The following CD96 variants were observed in gnomAD, a reference collection of about 807,000 sequenced individuals.
CD96 encodes the protein T-cell surface protein tactile.
CD96 carries 70 observed loss-of-function variants against 71.3 expected under a neutral mutation model. The ratio of observed to expected loss-of-function variants is 0.98; its 90% confidence interval spans 0.81 to 1.20. CD96 has a LOEUF of 1.20. CD96 is among the 50% of genes most tolerant of loss of function. CD96 has a pLI of 0.00. For synonymous variants in CD96, 248 were observed against 233.0 expected (o/e 1.06, Z -0.59); for missense variants, 742 against 677.5 (o/e 1.10, Z -1.06).
intron 7 of CD96, 94 bp from the exon 8 acceptor site, chr3:111,606,606 T>A (rs1255428181): frequency 1.3e-6 from 1 of 748,784 alleles, no homozygotes; most frequent in Non-Finnish European, 2.4e-6. Context: ...ACATGATGAA[T>A]AAATAAAGGA....
intron 5 of CD96, chr3:111,593,224 A>T (rs868109706): frequency 9.6e-5 from 21 of 219,666 alleles, no homozygotes; most frequent in African/African-American, 4.5e-4. Flanking sequence ...CTAGGCAAAA[A>T]TCTGATTATT....
chr3:111,566,528 C>T (rs1414431184), intron 2 of CD96, among the ~76,000 whole-genome samples: 1 of 152,000 alleles, frequency 6.6e-6, no homozygotes, highest in Non-Finnish European at 1.5e-5. Context: ...GGATTGCAGA[C>T]TATGAGAATA....
chr3:111,631,336 A>G (rs546641312), intron 10 of CD96, among the ~76,000 whole-genome samples: 1 of 152,238 alleles, frequency 6.6e-6, no homozygotes, highest in East Asian at 1.9e-4. Flanking sequence ...ATTGCTAGCA[A>G]TCCTATACAC....
downstream of CD96, among the ~76,000 whole-genome samples, chr3:111,654,355 T>C (rs1219357916): frequency 6.6e-6 from 1 of 152,208 alleles, no homozygotes; most frequent in Non-Finnish European, 1.5e-5. Flanking sequence ...CAGGAAGGCA[T>C]GACCAGAAAG....
chr3:111,658,784 A>G (rs1012373970), intron 14 of CD96, among the ~76,000 whole-genome samples: 2 of 152,212 alleles, frequency 1.3e-5, no homozygotes, highest in Non-Finnish European at 2.9e-5. Context: ...GTAGCATCAA[A>G]TAAATACAAA....
At chr3:111,640,782 C>T (rs1260467805) in intron 12 of CD96, among the ~76,000 whole-genome samples, 1 of 152,212 alleles carries the variant, frequency 6.6e-6, no homozygotes, top group Non-Finnish European at 1.5e-5. Flanking sequence ...AGATTAACAA[C>T]AGATTTCTCA....
intron 10 of CD96, among the ~76,000 whole-genome samples, chr3:111,627,978 A>G (rs1938859625): frequency 6.6e-6 from 1 of 152,226 alleles, no homozygotes; most frequent in Non-Finnish European, 1.5e-5. Context: ...CAACAAAACA[A>G]AAAAACCATC....
chr3:111,595,784 A>T (rs1180018436), intron 5 of CD96, among the ~76,000 whole-genome samples: 1 of 151,928 alleles, frequency 6.6e-6, no homozygotes, highest in Non-Finnish European at 1.5e-5. Flanking sequence ...TGAGAAGGAA[A>T]ACCTACCAAG....
intron 8 of CD96, among the ~76,000 whole-genome samples, chr3:111,621,872 A>G (rs765605922): frequency 6.6e-6 from 1 of 152,208 alleles, no homozygotes; most frequent in Non-Finnish European, 1.5e-5. Context: ...CTAGGAATGT[A>G]GTTCCAATAC....
Position 111,638,176 on chromosome 3 carries a change from AT to A in CD96, c.1477+11del, listed in dbSNP as rs1162240214. 14 of 1,509,180 alleles carry A rather than the reference AT, an allele frequency of 9.3e-6. No individual in the cohort carries two copies. Among genetic ancestry groups the A allele is most frequent in the Non-Finnish European group, 1.3e-5 (14 of 1,084,378 alleles). 93.5% of individuals were successfully genotyped at this position (1,509,180 alleles called of 1,614,324 possible). A position where few individuals can be genotyped will look rare whatever the true frequency, so the allele number is the denominator to read the frequency against. On this transcript the variant is annotated intron_variant, in intron 12 of 13. Transcript: ENST00000352690. ...ATCACGTCCATATCACTGGTAAGTC[AT>A]TTATCCTATTTTGGGGGATTTTATG...
intron 12 of CD96, among the ~76,000 whole-genome samples, chr3:111,642,322 GAC>G (rs1363557636): frequency 6.6e-6 from 1 of 152,098 alleles, no homozygotes; most frequent in Non-Finnish European, 1.5e-5. Context: ...TATTACAACT[GAC>G]ACCACAGAAA....
intron 5 of CD96, among the ~76,000 whole-genome samples, chr3:111,588,950 T>C (rs984763429): frequency 2.0e-5 from 3 of 149,158 alleles, no homozygotes; most frequent in Non-Finnish European, 2.9e-5. Flanking sequence ...GTTTCTTTTT[T>C]TTTCTTTTTT....
At chr3:111,604,173 G>A (rs562051369) in intron 7 of CD96, among the ~76,000 whole-genome samples, 41 of 152,224 alleles carry the variant, frequency 2.7e-4, no homozygotes, top group African/African-American at 8.2e-4. Flanking sequence ...AGGAAACCCC[G>A]GAATTAAGCC....
At chr3:111,617,139 T>C (rs1218722575) in intron 8 of CD96, among the ~76,000 whole-genome samples, 1 of 152,178 alleles carries the variant, frequency 6.6e-6, no homozygotes, top group African/African-American at 2.4e-5. Context: ...CAGGTGGAGA[T>C]GGGCTGAGGG....
At position 111,613,393 on chromosome 3, in the gene CD96, A is replaced by T. The variant is rs1938058151; in HGVS notation, c.1180+6601A>T. ...CCCCATTTAGTCAGCACATGCCCCA[A>T]ACAATCTGCCTCCCACATGAGAAAA... On this transcript the variant is annotated intron_variant, in intron 8 of 13. Transcript: ENST00000352690. 1.3e-5 allele frequency among the ~76,000 whole-genome samples: 2 copies of T among 152,194 alleles called. 1 individual carries two copies. The highest frequency in any genetic ancestry group is 4.1e-4 in the South Asian group (2 of 4,830).
At chr3:111,594,192 G>T (rs199851744) in intron 5 of CD96, 10 of 1,591,830 alleles carry the variant, frequency 6.3e-6, no homozygotes, top group Admixed American at 1.7e-5. Flanking sequence ...TCGTCTTCCC[G>T]CCTCATCATG....
At chr3:111,598,340 T>C in intron 6 of CD96, 130 bp downstream of exon 6, 1 of 685,800 alleles carries the variant, frequency 1.5e-6, no homozygotes. Flanking sequence ...AACATCATTC[T>C]GCCTACCAAA....
Position 111,594,230 on chromosome 3 carries a change from T to C in CD96, c.808-3890T>C, listed in dbSNP as rs1020031758. On this transcript the variant is annotated intron_variant, in intron 5 of 13. Coordinates refer to ENST00000352690, the MANE Select transcript of CD96 (RefSeq NM_005816.5). ...ACCTCTTCTACAGCGTTCTTTATGA[T>C]GTGCTTAGATGTGAGCCAAAAGCTT... 3 of 1,528,724 alleles carry C rather than the reference T, an allele frequency of 2.0e-6. No homozygotes were observed. In the African/African-American group the frequency reaches 4.2e-5, roughly 21 times the overall value. 94.7% of individuals were successfully genotyped at this position (1,528,724 alleles called of 1,614,324 possible). A position where few individuals can be genotyped will look rare whatever the true frequency, so the allele number is the denominator to read the frequency against.
At position 111,652,327 on chromosome 3, in the gene CD96, CTATTTG is replaced by C. The variant is rs1203834757; in HGVS notation, c.*2527_*2532del. On this transcript the variant is annotated 3_prime_UTR_variant, in exon 14 of 14. Coordinates refer to ENST00000352690, the MANE Select transcript of CD96 (RefSeq NM_005816.5). ...CTGTTGCTTTGCTTCATGTGTATGG[CTATTTG>C]TATTTAACAAGACTTAATCATCAGT... 1.3e-5 allele frequency: 2 copies of C among 152,028 alleles called. No individual in the cohort carries two copies. Among genetic ancestry groups the C allele is most frequent in the Non-Finnish European group, 2.9e-5 (2 of 68,004 alleles). 9.4% of individuals were successfully genotyped at this position (152,028 alleles called of 1,614,324 possible). A position where few individuals can be genotyped will look rare whatever the true frequency, so the allele number is the denominator to read the frequency against.
Sources: gnomAD v4.1 joint callset for allele counts (sites outside exome capture counted in the v4.1 genomes callset) on GRCh38, gnomAD v4.1.1 for gene constraint, MANE v1.5 for transcripts, NCBI Gene and HGNC (gene_info 2026-07-23, HGNC 2026-07-21) for gene names.